Variants in ATP7B observed in about 807,000 individuals in gnomAD.
ATP7B encodes the protein copper-transporting ATPase 2.
In ATP7B, 113 loss-of-function variants were observed where a neutral mutation model predicts 118.9. The ratio of observed to expected loss-of-function variants is 0.95; its 90% confidence interval spans 0.82 to 1.11. The LOEUF is 1.11. Ranked by LOEUF, ATP7B falls within the 50% of genes most tolerant of loss-of-function variation. The pLI, the probability that ATP7B is intolerant of heterozygous loss-of-function variation, is 0.00. For missense variants in ATP7B, 1,867 were observed against 1,871.4 expected, an observed-to-expected ratio of 1.00 and a Z score of 0.04; for synonymous variants, 777 against 727.4, an observed-to-expected ratio of 1.07 and a Z score of -1.10.
chr13:52,006,831 A>G (rs1002558223), intron 1 of ATP7B, among the ~76,000 whole-genome samples: 6 of 152,064 alleles, frequency 3.9e-5, no homozygotes, highest in Non-Finnish European at 5.9e-5. Context: ...TGTGTGCCCA[A>G]TCAATGCCTG....
intron 1 of ATP7B, among the ~76,000 whole-genome samples, chr13:52,008,552 T>C (rs1953883213): frequency 1.3e-5 from 2 of 152,032 alleles, no homozygotes; most frequent in African/African-American, 4.8e-5. Context: ...TAACAGAAAC[T>C]CAGGTAGGGG....
chr13:51,944,299 A>C lies in ATP7B; in HGVS notation c.3061-8T>G. ...AAACATCACAGTCTTTATCTGCCAA[A>C]AACAACCACAACTCACTGACCACAA... On this transcript the variant is annotated splice_region_variant and splice_polypyrimidine_tract_variant and intron_variant, in intron 13 of 20. Transcript: ENST00000242839. 6.2e-7 allele frequency: 1 copy of C among 1,613,684 alleles called. No individual in the cohort carries two copies.
chr13:52,008,674 TTTC>T (rs1473512593), intron 1 of ATP7B, among the ~76,000 whole-genome samples: 10 of 152,298 alleles, frequency 6.6e-5, no homozygotes, highest in Non-Finnish European at 1.2e-4. Context: ...CAAGTATATA[TTTC>T]TTCTTATCAC....
In ATP7B at chr13:51,941,216, G is replaced by C. The variant is rs1957311433; in HGVS notation, c.3421C>G (p.Pro1141Ala). Reference sequence around the variant, plus strand: ...CCAATCAGCACAGAGAAGGTCTGGGGGACTGCATCTATTCAAAAGAGGCTG... The same window carrying C: ...CCAATCAGCACAGAGAAGGTCTGGGCGACTGCATCTATTCAAAAGAGGCTG... ...GSLPAEKDAV[P>A]QTFSVLIGNR... Residue 1141 changes from proline (P) to alanine (A), a missense_variant, in exon 16 of 21, where the codon CCC becomes GCC. Physicochemically the swap from Pro to Ala is conservative, Grantham distance 27 (BLOSUM62 -1). Coordinates refer to ENST00000242839, the MANE Select transcript of ATP7B (RefSeq NM_000053.4). 6.2e-7 allele frequency: 1 copy of C among 1,613,984 alleles called. No homozygotes were observed. The highest frequency in any genetic ancestry group is 8.5e-7 in the Non-Finnish European group (1 of 1,180,034).
At chr13:51,971,691 GATACAAAA>G (rs1181615605) in intron 2 of ATP7B, among the ~76,000 whole-genome samples, 1 of 152,214 alleles carries the variant, frequency 6.6e-6, no homozygotes, top group South Asian at 2.1e-4. Context: ...CCTGAAACTT[GATACAAAA>G]GACAAAGCAC....
At chr13:51,997,361 A>G (rs561701798) in intron 1 of ATP7B, among the ~76,000 whole-genome samples, 11 of 152,216 alleles carry the variant, frequency 7.2e-5, no homozygotes, top group African/African-American at 2.7e-4. Flanking sequence ...CCTTGGTGAC[A>G]TGAGATCATT....
rs901445108 is a variant in ATP7B, at chr13:51,970,381, G to T, written c.1543+111C>A. ...AACATTTATGCTATATAATGAACTT[G>T]CTACCTGGTTATCAGGGCTACTGAT... On this transcript the variant is annotated intron_variant, in intron 3 of 20. Coordinates refer to ENST00000242839, the MANE Select transcript of ATP7B (RefSeq NM_000053.4). The T allele has an allele frequency of 6.8e-6, 10 of 1,474,960 alleles. No homozygotes were observed. In the African/African-American group the frequency reaches 1.3e-4, roughly 18 times the overall value. The allele number at this position is 1,474,960 out of a possible 1,614,324, so 91.4% of individuals were successfully genotyped here. A position where few individuals can be genotyped will look rare whatever the true frequency, so the allele number is the denominator to read the frequency against.
At chr13:51,942,111 G>A (rs1957368041) in intron 15 of ATP7B, among the ~76,000 whole-genome samples, 1 of 152,220 alleles carries the variant, frequency 6.6e-6, no homozygotes, top group Admixed American at 6.5e-5. Flanking sequence ...TGTAGCTTAT[G>A]AGAAGCAAGA....
chr13:51,995,253 C>T (rs1953148391), intron 1 of ATP7B: 5 of 970,476 alleles, frequency 5.2e-6, no homozygotes, highest in Non-Finnish European at 6.1e-6. Flanking sequence ...AGAGAAACCT[C>T]CATCTTTAAA....
chr13:51,995,213 T>G, intron 1 of ATP7B: 1 of 859,054 alleles, frequency 1.2e-6, no homozygotes, highest in African/African-American at 1.8e-5. Flanking sequence ...TCCCCAGACC[T>G]CTCCCCAATA....
chr13:51,998,931 T>C (rs181485268), intron 1 of ATP7B, among the ~76,000 whole-genome samples: 298 of 152,208 alleles, frequency 2.0e-3, no homozygotes, highest in African/African-American at 6.9e-3. Flanking sequence ...CCCCAGGCCA[T>C]CCCTCCCAAG....
chr13:51,991,229 C>T (rs1261029147), intron 1 of ATP7B, among the ~76,000 whole-genome samples: 1 of 152,212 alleles, frequency 6.6e-6, no homozygotes, highest in African/African-American at 2.4e-5. Context: ...TCAATCCTCC[C>T]TGCTGCAGTA....
intron 1 of ATP7B, among the ~76,000 whole-genome samples, chr13:51,995,552 G>T (rs903399111): frequency 6.6e-6 from 1 of 152,160 alleles, no homozygotes; most frequent in East Asian, 1.9e-4. Flanking sequence ...TTTCTCTATC[G>T]CTGAGTTCAC....
intron 2 of ATP7B, 86 bp from the exon 3 acceptor site, chr13:51,970,835 G>C: frequency 6.9e-7 from 1 of 1,439,536 alleles, no homozygotes. Context: ...TCTTGGTGAG[G>C]GTTCATTGTC....
chr13:51,970,658 C>G lies in ATP7B; in HGVS notation c.1377G>C (p.Val459=), dbSNP rs1951794417. The change falls in exon 3 of 21, where the codon GTG becomes GTC. Residue 459 remains valine (V), a synonymous_variant. Coordinates refer to ENST00000242839, the MANE Select transcript of ATP7B (RefSeq NM_000053.4). ...CAGGGAGCCTCCCAGTGTGGGGAGC[C>G]ACTTCCTGCACAGATGTAGGTGTAC... ...TDGTPTSVQE[V]APHTGRLPAN... The G allele has an allele frequency of 6.2e-7, 1 of 1,614,054 alleles. No individual in the cohort carries two copies. Among genetic ancestry groups the G allele is most frequent in the African/African-American group, 1.3e-5 (1 of 74,920 alleles).
At position 51,941,102 on chromosome 13, in the gene ATP7B, C is replaced by A; in HGVS notation, c.3535G>T (p.Ala1179Ser). 1 of 1,614,204 alleles carries A rather than the reference C, an allele frequency of 6.2e-7. No individual in the cohort carries two copies. Among genetic ancestry groups the A allele is most frequent in the South Asian group, 1.1e-5 (1 of 91,082 alleles). ...MTDHEMKGQT[A>S]ILVAIDGVLC... ...ATACCGTCAATAGCCACCAGGATGG[C>A]TGTCTGTCCTTTCATCTCGTGGTCT... Residue 1179 changes from alanine to serine, a missense_variant, in exon 16 of 21, where the codon GCC (alanine) becomes TCC (serine). Ala to Ser is a moderately conservative substitution (Grantham distance 99, BLOSUM62 1). Transcript: ENST00000242839.
At position 51,939,168 on chromosome 13, in the gene ATP7B, G is replaced by T. The variant is rs761183334; in HGVS notation, c.3582C>A (p.Ile1194=). 2.5e-6 allele frequency: 4 copies of T among 1,613,736 alleles called. No homozygotes were observed. The highest frequency in any genetic ancestry group is 2.2e-5 in the East Asian group (1 of 44,902). ...IDGVLCGMIA[I]ADAVKQEAAL... ...CAGCCTCCTGCTTGACAGCGTCTGC[G>T]ATTGCGATCATCCCACAGAGCACAC... Residue 1194 remains isoleucine (I), a synonymous_variant, in exon 17 of 21, where the codon ATC becomes ATA. Coordinates refer to ENST00000242839, the MANE Select transcript of ATP7B (RefSeq NM_000053.4).
chr13:51,964,814 C>T (rs1293080801), intron 5 of ATP7B, 58 bp downstream of exon 5: 1 of 1,569,648 alleles, frequency 6.4e-7, no homozygotes, highest in East Asian at 2.3e-5. Context: ...TTTTTCTTCA[C>T]TGATTATATA....
At chr13:51,994,350 G>A (rs1004500710) in intron 1 of ATP7B, among the ~76,000 whole-genome samples, 15 of 152,016 alleles carry the variant, frequency 9.9e-5, no homozygotes, top group African/African-American at 2.9e-4. Flanking sequence ...AAAACCACTC[G>A]AACCTCTGTG....
Sources: allele counts gnomAD v4.1 joint callset (sites outside exome capture counted in the v4.1 genomes callset), GRCh38; gene constraint gnomAD v4.1.1; transcripts MANE v1.5; gene names NCBI Gene and HGNC (gene_info 2026-07-23, HGNC 2026-07-21).